The following ITPR2 variants were observed in gnomAD, a reference collection of about 807,000 sequenced individuals.
ITPR2 encodes the protein inositol 1,4,5-trisphosphate-gated calcium channel ITPR2.
A neutral mutation model predicts 317.1 loss-of-function variants in ITPR2; 207 were observed. That is an observed-to-expected ratio of 0.65 (90% CI 0.58 to 0.73). ITPR2 has a LOEUF of 0.73. Among genes scored for constraint, ITPR2 ranks in the 30% least tolerant of loss-of-function variants. The pLI is 0.00. For missense variants in ITPR2, 2,613 were observed against 3,284.0 expected (o/e 0.80, Z 4.99); for synonymous variants, 1,156 against 1,149.1 (o/e 1.01, Z -0.12).
At chr12:26,749,858 C>CT (rs199506683) in intron 2 of ITPR2, among the ~76,000 whole-genome samples, 16 of 151,876 alleles carry the variant, frequency 1.1e-4, no homozygotes, top group South Asian at 2.1e-4. Context: ...GTTTCTTTTT[C>CT]TTTTTTTTGC....
intron 37 of ITPR2, among the ~76,000 whole-genome samples, chr12:26,531,405 G>C (rs986751297): frequency 6.6e-6 from 1 of 152,182 alleles, no homozygotes; most frequent in Non-Finnish European, 1.5e-5. Flanking sequence ...AACTGGAGCA[G>C]AAACGAATTG....
At position 26,487,165 on chromosome 12, in the gene ITPR2, T is replaced by C. The variant is rs538349459; in HGVS notation, c.5457A>G (p.Lys1819=). The C allele has an allele frequency of 2.5e-6, 4 of 1,613,550 alleles. No individual in the cohort carries two copies. In the African/African-American group the frequency reaches 5.3e-5, roughly 22 times the overall value. ...TAACTGTCACTGTTGATCTTATTTC[T>C]TTCTGAGCAGCCTTCATTCGATCAT... is the stretch of plus-strand genomic sequence containing the variant. ...VLYDRMKAAQ[K]EIRSTVTVNT... is the part of the protein sequence containing the mutation. Residue 1819 remains lysine (K), a synonymous_variant, in exon 40 of 57, where the codon AAA becomes AAG. Transcript: ENST00000381340.
intron 37 of ITPR2, among the ~76,000 whole-genome samples, chr12:26,521,953 G>A (rs1943678170): frequency 6.6e-6 from 1 of 152,162 alleles, no homozygotes; most frequent in African/African-American, 2.4e-5. Flanking sequence ...CTGGAGGCTA[G>A]CCTTTTTATA....
At chr12:26,807,307 C>T (rs1950655592) in intron 1 of ITPR2, among the ~76,000 whole-genome samples, 1 of 152,118 alleles carries the variant, frequency 6.6e-6, no homozygotes, top group Admixed American at 6.5e-5. Flanking sequence ...GTCATTGATT[C>T]TATGTTCCAC....
rs1288280729 is a variant in ITPR2 at position 26,337,344 on chromosome 12, G to T, written c.*2053C>A. On this transcript the variant is annotated 3_prime_UTR_variant, in exon 57 of 57. Transcript: ENST00000381340. ...CTAGTTCAGATGTCAGAAATATTTT[G>T]TACTAAAACAGAGATAGGTTCCTAT... is the stretch of plus-strand genomic sequence containing the variant. 1 of 152,112 alleles carries T rather than the reference G, an allele frequency of 6.6e-6. No individual in the cohort carries two copies. Among genetic ancestry groups the T allele is most frequent in the African/African-American group, 2.4e-5 (1 of 41,422 alleles). The allele number at this position is 152,112 out of a possible 1,614,324, so 9.4% of individuals were successfully genotyped here. A position where few individuals can be genotyped will look rare whatever the true frequency, so the allele number is the denominator to read the frequency against.
At chr12:26,608,631 G>C (rs1030703599) in intron 26 of ITPR2, among the ~76,000 whole-genome samples, 1 of 150,864 alleles carries the variant, frequency 6.6e-6, no homozygotes, top group African/African-American at 2.4e-5. Flanking sequence ...AAGAGAGGAG[G>C]GCCTCTGCCT....
intron 37 of ITPR2, among the ~76,000 whole-genome samples, chr12:26,531,746 C>G (rs972223988): frequency 7.9e-5 from 12 of 152,178 alleles, no homozygotes; most frequent in Admixed American, 7.8e-4. Context: ...AGTACCCCAC[C>G]ACTTAGAACC....
chr12:26,471,346 G>A (rs1942287537), intron 45 of ITPR2, among the ~76,000 whole-genome samples: 1 of 152,162 alleles, frequency 6.6e-6, no homozygotes, highest in Admixed American at 6.5e-5. Context: ...TATAGTGACT[G>A]TCTCTACAGA....
intron 45 of ITPR2, among the ~76,000 whole-genome samples, chr12:26,460,873 C>G (rs914385856): frequency 2.6e-5 from 4 of 152,164 alleles, no homozygotes; most frequent in Admixed American, 2.6e-4. Context: ...TGCCCTCCGA[C>G]CTGGATGCCT....
chr12:26,417,336 CAT>C (rs1481824688), intron 50 of ITPR2, among the ~76,000 whole-genome samples: 3 of 152,080 alleles, frequency 2.0e-5, no homozygotes, highest in Admixed American at 1.3e-4. Context: ...AAAACATAAA[CAT>C]GTGTACATCA....
intron 37 of ITPR2, among the ~76,000 whole-genome samples, chr12:26,536,743 C>T (rs889462854): frequency 2.6e-5 from 4 of 152,226 alleles, no homozygotes; most frequent in East Asian, 1.9e-4. Flanking sequence ...GCTACACAGC[C>T]GAGATTGACT....
At chr12:26,532,447 C>A (rs924514421) in intron 37 of ITPR2, among the ~76,000 whole-genome samples, 1 of 152,176 alleles carries the variant, frequency 6.6e-6, no homozygotes, top group African/African-American at 2.4e-5. Context: ...ATGGCACAAT[C>A]ATGACTCACT....
chr12:26,532,503 G>A (rs1280304393), intron 37 of ITPR2, among the ~76,000 whole-genome samples: 4 of 152,218 alleles, frequency 2.6e-5, no homozygotes, highest in Admixed American at 2.0e-4. Flanking sequence ...ACCTCAGCCT[G>A]CTAAGTAGCT....
At chr12:26,744,960 CAGA>C (rs971584020) in intron 2 of ITPR2, among the ~76,000 whole-genome samples, 2 of 152,300 alleles carry the variant, frequency 1.3e-5, no homozygotes, top group East Asian at 1.9e-4. Flanking sequence ...TACAGATTGT[CAGA>C]AGTTTTCTGT....
chr12:26,737,957 G>C (rs1949158742), intron 2 of ITPR2, among the ~76,000 whole-genome samples: 1 of 152,058 alleles, frequency 6.6e-6, no homozygotes, highest in Non-Finnish European at 1.5e-5. Context: ...GATTAACAGA[G>C]AGTCAAAGGT....
At chr12:26,653,171 G>T (rs1947293028) in intron 21 of ITPR2, among the ~76,000 whole-genome samples, 1 of 151,198 alleles carries the variant, frequency 6.6e-6, no homozygotes, top group African/African-American at 2.4e-5. Context: ...CACTCCACAG[G>T]TTCCCACACT....
chr12:26,727,371 G>A (rs984594608), intron 2 of ITPR2, among the ~76,000 whole-genome samples: 2 of 152,156 alleles, frequency 1.3e-5, no homozygotes, highest in Non-Finnish European at 2.9e-5. Context: ...TGATCAAGGG[G>A]AACTGAACTC....
In ITPR2 at chr12:26,415,430, G is replaced by A. The variant is rs1457600429; in HGVS notation, c.7179C>T (p.Arg2393=). 3 of 1,611,500 alleles carry A rather than the reference G, an allele frequency of 1.9e-6. No homozygotes were observed. The highest frequency in any genetic ancestry group is 4.5e-5 in the East Asian group (2 of 44,768). Residue 2393 remains arginine, a synonymous_variant, in exon 51 of 57, where the codon CGC becomes CGT. Coordinates refer to ENST00000381340, the MANE Select transcript of ITPR2 (RefSeq NM_002223.4). The part of the protein sequence containing the change: ...NVIKSVTRNG[R]SIILTAVLAL... ...CCAGGACTGCAGTTAGAATAATAGA[G>A]CGGCCATTTCGTGTGACACTTTTTA...
At chr12:26,608,069 C>T (rs527328650) in intron 26 of ITPR2, among the ~76,000 whole-genome samples, 7 of 151,910 alleles carry the variant, frequency 4.6e-5, no homozygotes, top group Non-Finnish European at 7.4e-5. Context: ...TGCAGTGAGC[C>T]GAGATCGTGC....
Sources: gnomAD v4.1 joint callset for allele counts (sites outside exome capture counted in the v4.1 genomes callset) on GRCh38, gnomAD v4.1.1 for gene constraint, MANE v1.5 for transcripts, NCBI Gene and HGNC (gene_info 2026-07-23, HGNC 2026-07-21) for gene names.